Variants in PINK1 observed in about 807,000 individuals in gnomAD.
PINK1 encodes the protein serine/threonine-protein kinase PINK1, mitochondrial.
In PINK1, 58 loss-of-function variants were observed where a neutral mutation model predicts 56.0. The ratio of observed to expected loss-of-function variants is 1.04; its 90% CI spans 0.84 to 1.29. PINK1 has a LOEUF of 1.29. Ranked by LOEUF, PINK1 falls within the 50% of genes most tolerant of loss-of-function variation. The pLI is 0.00. For synonymous variants in PINK1, 354 were observed against 339.3 expected (o/e 1.04, Z -0.48); for missense variants, 745 against 777.9 (o/e 0.96, Z 0.50).
chr1:20,644,743 T>C (rs1327843702), intron 4 of PINK1, 71 bp downstream of exon 4: 33 of 1,563,550 alleles, frequency 2.1e-5, no homozygotes, highest in Non-Finnish European at 2.7e-5. Flanking sequence ...CTGCCCTCCA[T>C]GTGCACCTTG....
Position 20,639,986 on chromosome 1 carries a change from C to G in PINK1, c.770C>G (p.Thr257Ser). The change falls in exon 3 of 8, where the codon ACT becomes AGT. Residue 257 changes from threonine (T) to serine (S), a missense_variant. Thr to Ser is a moderately conservative substitution (Grantham distance 58, BLOSUM62 1). Coordinates refer to ENST00000321556, the MANE Select transcript of PINK1 (RefSeq NM_032409.3). ...VALAGEYGAV[T>S]YRKSKRGPKQ... is the part of the protein sequence containing the mutation. ...TTGGCTGGGGAGTATGGAGCAGTCA[C>G]TTACAGGTAAGTGCCCTCTGCCTGC... 11 of 1,605,494 alleles carry G rather than the reference C, an allele frequency of 6.9e-6. No homozygotes were observed. Among genetic ancestry groups the G allele is most frequent in the Non-Finnish European group, 9.4e-6 (11 of 1,176,434 alleles).
chr1:20,638,126 C>T lies in PINK1; in HGVS notation c.672C>T (p.Ile224=). The part of the protein sequence containing the change: ...FPLAIKMMWN[I]SAGSSSEAIL... ...TGGCCATCAAGATGATGTGGAACAT[C>T]TCGGTAAGCACCAGGCCTTTCATCT... The change falls in exon 2 of 8, where the codon ATC becomes ATT. Residue 224 remains isoleucine (I), a synonymous_variant. Transcript: ENST00000321556. 6.2e-7 allele frequency: 1 copy of T among 1,611,242 alleles called. No homozygotes were observed. The highest frequency in any genetic ancestry group is 8.5e-7 in the Non-Finnish European group (1 of 1,179,990).
At chr1:20,636,569 C>G (rs1277895341) in intron 1 of PINK1, among the ~76,000 whole-genome samples, 1 of 152,104 alleles carries the variant, frequency 6.6e-6, no homozygotes, top group African/African-American at 2.4e-5. Context: ...GTCTTGAACT[C>G]CTGACTTCAT....
chr1:20,638,274 C>T (rs2053078065), intron 2 of PINK1, 145 bp downstream of exon 2: 3 of 888,622 alleles, frequency 3.4e-6, no homozygotes, highest in South Asian at 3.3e-5. Context: ...TTACCTCCCC[C>T]TGTTACACAG....
chr1:20,643,141 C>G (rs2053134995), intron 3 of PINK1: 1 of 152,348 alleles, frequency 6.6e-6, no homozygotes, highest in African/African-American at 2.4e-5. Flanking sequence ...TTCACTCACA[C>G]TCCCAAAAAG....
At chr1:20,634,638 C>T (rs1426994413) in intron 1 of PINK1, among the ~76,000 whole-genome samples, 1 of 152,096 alleles carries the variant, frequency 6.6e-6, no homozygotes, top group Non-Finnish European at 1.5e-5. Context: ...GACCTGGCTC[C>T]CTATGGGGAT....
At chr1:20,637,750 G>A (rs1045216353) in intron 1 of PINK1, 92 bp from the exon 2 acceptor site, 11 of 1,450,770 alleles carry the variant, frequency 7.6e-6, no homozygotes, top group South Asian at 4.6e-5. Context: ...CGTGGACCAC[G>A]CCTTGCTGCA....
rs373473255 is a variant in PINK1, at chr1:20,644,593, G to T, written c.880G>T (p.Asp294Tyr). ...SVPLLPGALV[D>Y]YPDVLPSRLH... ...GCCGCTGCTGCCAGGGGCCCTGGTC[G>T]ACTACCCTGATGTGCTGCCCTCACG... The change falls in exon 4 of 8, where the codon GAC becomes TAC. Residue 294 changes from aspartate (D) to tyrosine (Y), a missense_variant. Coordinates refer to ENST00000321556, the MANE Select transcript of PINK1 (RefSeq NM_032409.3). 4 of 1,614,080 alleles carry T rather than the reference G, an allele frequency of 2.5e-6. No individual in the cohort carries two copies. The South Asian group carries it at 4.4e-5, about 18-fold the overall frequency.
At chr1:20,648,062 G>A (rs546745156) in intron 5 of PINK1, among the ~76,000 whole-genome samples, 2 of 152,054 alleles carry the variant, frequency 1.3e-5, no homozygotes, top group Non-Finnish European at 2.9e-5. Flanking sequence ...TGATCTACCC[G>A]CCTCGGCCTC....
intron 6 of PINK1, 71 bp from the exon 7 acceptor site, chr1:20,648,924 A>G (rs951978549): frequency 2.6e-5 from 39 of 1,498,488 alleles, no homozygotes; most frequent in Non-Finnish European, 3.5e-5. Flanking sequence ...CCCATGGATC[A>G]GGTGATGTGC....
chr1:20,649,154 C>T lies in PINK1; in HGVS notation c.1411C>T (p.Leu471=). 6.2e-7 allele frequency: 1 copy of T among 1,614,230 alleles called. No individual in the cohort carries two copies. The highest frequency in any genetic ancestry group is 1.1e-5 in the South Asian group (1 of 91,088). Reference sequence around the variant, plus strand: ...AAGCCGCAGCTACCAAGAGGCTCAGCTACCTGCACTGCCCGAGTCAGTGCC... The same window carrying T: ...AAGCCGCAGCTACCAAGAGGCTCAGTTACCTGCACTGCCCGAGTCAGTGCC... ...LESRSYQEAQ[L]PALPESVPPD... The change falls in exon 7 of 8, where the codon CTA becomes TTA. Residue 471 remains leucine (L), a synonymous_variant. Transcript: ENST00000321556.
rs777160388 is a variant in PINK1, at chr1:20,638,119, G to A, written c.665G>A (p.Trp222Ter). 5 of 1,611,782 alleles carry A rather than the reference G, an allele frequency of 3.1e-6. No homozygotes were observed. In the Admixed American group the frequency reaches 6.7e-5, roughly 21 times the overall value. Residue 222 changes from tryptophan to a stop codon, truncating the protein, a stop_gained, in exon 2 of 8, where the codon TGG (tryptophan) becomes TAG (stop). Transcript: ENST00000321556. LOFTEE classifies it high-confidence loss of function. Reference sequence around the variant, plus strand: ...TTCCCCTTGGCCATCAAGATGATGTGGAACATCTCGGTAAGCACCAGGCCT... The same window carrying A: ...TTCCCCTTGGCCATCAAGATGATGTAGAACATCTCGGTAAGCACCAGGCCT... ...PAFPLAIKMM[W>*]NISAGSSSEA...
At chr1:20,649,406 C>T (rs1250247738) in intron 7 of PINK1, 175 bp downstream of exon 7, 22 of 639,812 alleles carry the variant, frequency 3.4e-5, no homozygotes, top group Non-Finnish European at 8.1e-6. Context: ...AGTAGGAGCA[C>T]TAGCCACCAC....
At chr1:20,650,376 C>A in intron 7 of PINK1, 58 bp from the exon 8 acceptor site, 1 of 1,607,208 alleles carries the variant, frequency 6.2e-7, no homozygotes, top group Admixed American at 1.7e-5. Flanking sequence ...ACAAAGCAGG[C>A]TTTGGGTTGA....
Position 20,645,733 on chromosome 1 carries a change from T to G in PINK1, c.1123+10T>G, listed in dbSNP as rs2053172261. ...GTGGAGCTGGACCCAGGTAGGAACC[T>G]GCTGCACCATCAGAGCTCTCCAGGG... On this transcript the variant is annotated intron_variant, in intron 5 of 7. Coordinates refer to ENST00000321556, the MANE Select transcript of PINK1 (RefSeq NM_032409.3). 6.2e-7 allele frequency: 1 copy of G among 1,614,120 alleles called. No individual in the cohort carries two copies. Among genetic ancestry groups the G allele is most frequent in the Admixed American group, 1.7e-5 (1 of 60,000 alleles).
Position 20,650,490 on chromosome 1 carries a change from T to C in PINK1, c.1545T>C (p.His515=). 1 of 1,614,144 alleles carries C rather than the reference T, an allele frequency of 6.2e-7. No homozygotes were observed. The highest frequency in any genetic ancestry group is 8.5e-7 in the Non-Finnish European group (1 of 1,179,998). The change falls in exon 8 of 8, where the codon CAT becomes CAC. Residue 515 remains histidine, a synonymous_variant. Transcript: ENST00000321556. The part of the protein sequence containing the change: ...NVLHLSLWGE[H]ILALKNLKLD... The stretch of plus-strand genomic sequence containing the variant: ...TTCATCTAAGCCTCTGGGGTGAACA[T>C]ATTCTAGCCCTGAAGAATCTGAAGT...
rs1306443165 is a variant in PINK1, at chr1:20,651,001, C to T, written c.*310C>T. ...ACTGGCTGTCAGTGGCAGAGTTTGGCTGTGACCTTTGCCCCTAACACGAGG... is the reference window on the plus strand; with the variant it reads ...ACTGGCTGTCAGTGGCAGAGTTTGGTTGTGACCTTTGCCCCTAACACGAGG... On this transcript the variant is annotated 3_prime_UTR_variant, in exon 8 of 8. Coordinates refer to ENST00000321556, the MANE Select transcript of PINK1 (RefSeq NM_032409.3). 4 of 440,944 alleles carry T rather than the reference C, an allele frequency of 9.1e-6. No individual in the cohort carries two copies. The highest frequency in any genetic ancestry group is 1.3e-5 in the Non-Finnish European group (3 of 236,318). 27.3% of individuals were successfully genotyped at this position (440,944 alleles called of 1,614,324 possible). A position where few individuals can be genotyped will look rare whatever the true frequency, so the allele number is the denominator to read the frequency against.
chr1:20,646,858 ATTTC>A (rs1342484252), intron 5 of PINK1, among the ~76,000 whole-genome samples: 784 of 62,764 alleles, frequency 0.012, 12 homozygotes, highest in African/African-American at 0.032. Context: ...GGCTTTTATT[ATTTC>A]TTTATTTATT....
chr1:20,633,932 C>A lies in PINK1; in HGVS notation c.384C>A (p.Ile128=), dbSNP rs761293056. Residue 128 remains isoleucine (I), a synonymous_variant, in exon 1 of 8, where the codon ATC becomes ATA. Coordinates refer to ENST00000321556, the MANE Select transcript of PINK1 (RefSeq NM_032409.3). The stretch of plus-strand genomic sequence containing the variant: ...GGGCGGTCTCGGCCTGTCAGGAGAT[C>A]CAGGTGAGCGGGGCCGGGTCCTAAG... ...SRRAVSACQE[I]QAIFTQKSKP... 3.9e-5 allele frequency: 62 copies of A among 1,584,934 alleles called. No homozygotes were observed. In the African/African-American group the frequency reaches 5.7e-4, roughly 14 times the overall value.
Sources: allele counts gnomAD v4.1 joint callset (sites outside exome capture counted in the v4.1 genomes callset), GRCh38; gene constraint gnomAD v4.1.1; transcripts MANE v1.5; gene names NCBI Gene and HGNC (gene_info 2026-07-23, HGNC 2026-07-21).